The following NDUFA5 variants were observed in gnomAD, a reference collection of about 807,000 sequenced individuals.
The protein encoded by NDUFA5 is NADH dehydrogenase [ubiquinone] 1 alpha subcomplex subunit 5.
In NDUFA5, 11 loss-of-function variants were observed where a neutral mutation model predicts 19.8. The observed-to-expected ratio is 0.56, with a 90% CI of 0.35 to 0.92. The LOEUF (loss-of-function observed/expected upper bound fraction) is 0.92, where lower values mean the gene tolerates loss of function less well. Among genes scored for constraint, NDUFA5 ranks in the 40% least tolerant of loss-of-function variants. The probability of loss-of-function intolerance (pLI) is 0.01; values close to 1 mark genes in which losing one functional copy is unlikely to be tolerated. For missense variants in NDUFA5, 109 were observed against 134.2 expected, an observed-to-expected ratio of 0.81 and a Z score of 0.93; for synonymous variants, 47 against 46.8, an observed-to-expected ratio of 1.00 and a Z score of -0.01.
chr7:123,557,343 A>G lies in NDUFA5; in HGVS notation c.66+61T>C, dbSNP rs763487830. 1.1e-5 allele frequency: 17 copies of G among 1,608,346 alleles called. No homozygotes were observed. In the East Asian group the frequency reaches 3.6e-4, roughly 34 times the overall value. The stretch of plus-strand genomic sequence containing the variant: ...ATCCCGTTAACCCTGCAATAAGCAA[A>G]GTGACAGGAATTTAGTCTTCCTTGG... On this transcript the variant is annotated intron_variant, in intron 2 of 4. Transcript: ENST00000355749.
chr7:123,590,730 C>T, the NDUFA5 span, among the ~76,000 whole-genome samples: 1 of 152,106 alleles, frequency 6.6e-6, no homozygotes, highest in African/African-American at 2.4e-5. Context: ...TGTCAGGTAG[C>T]GTGATGCCTC....
chr7:123,546,970 T>C (rs905511297), intron 3 of NDUFA5, among the ~76,000 whole-genome samples: 3 of 152,186 alleles, frequency 2.0e-5, no homozygotes, highest in Non-Finnish European at 4.4e-5. Flanking sequence ...ACTGCAATTA[T>C]AAGTGTCCTT....
At chr7:123,556,940 G>GA (rs1562899883) in intron 2 of NDUFA5, 2 of 478,990 alleles carry the variant, frequency 4.2e-6, no homozygotes, top group Non-Finnish European at 8.2e-6. Context: ...TTATAGAAGG[G>GA]ACAAGAAGAA....
chr7:123,556,745 C>G (rs1442329954), intron 2 of NDUFA5: 1 of 432,946 alleles, frequency 2.3e-6, no homozygotes, highest in East Asian at 5.9e-5. Flanking sequence ...AAAAACGCTG[C>G]TATTAGGTCA....
the NDUFA5 span, among the ~76,000 whole-genome samples, chr7:123,599,136 A>C: frequency 6.6e-6 from 1 of 152,204 alleles, no homozygotes; most frequent in African/African-American, 2.4e-5. Context: ...AGAAAGAAGG[A>C]GAAAAAGGAG....
At chr7:123,546,652 T>C in intron 3 of NDUFA5, 1 of 1,280,172 alleles carries the variant, frequency 7.8e-7, no homozygotes, top group African/African-American at 1.5e-5. Flanking sequence ...AGGGAGAAAA[T>C]AATACATTTT....
the NDUFA5 span, among the ~76,000 whole-genome samples, chr7:123,590,563 T>C: frequency 2.6e-5 from 4 of 152,174 alleles, no homozygotes; most frequent in African/African-American, 9.7e-5. Context: ...CCCAGCACCA[T>C]TTATTAAATA....
chr7:123,596,823 G>A, the NDUFA5 span, among the ~76,000 whole-genome samples: 2 of 152,192 alleles, frequency 1.3e-5, no homozygotes, highest in South Asian at 4.1e-4. Context: ...CACATGAAAA[G>A]ATCAATTATT....
intron 1 of NDUFA5, 80 bp from the exon 2 acceptor site, chr7:123,557,528 G>T (rs779554312): frequency 5.6e-6 from 9 of 1,611,200 alleles, no homozygotes; most frequent in Non-Finnish European, 7.6e-6. Context: ...ACAAAACCAC[G>T]AATCCCCCGG....
chr7:123,542,252 G>T (rs1461970855), intron 4 of NDUFA5, 32 bp from the exon 5 acceptor site: 6 of 1,494,378 alleles, frequency 4.0e-6, no homozygotes, highest in African/African-American at 2.8e-5. Flanking sequence ...AAGATCATTG[G>T]ATTTTACTCT....
In NDUFA5 at chr7:123,540,813, T is replaced by C. The variant is rs1036375609; in HGVS notation, c.*1306A>G. On this transcript the variant is annotated 3_prime_UTR_variant, in exon 5 of 5. Coordinates refer to ENST00000355749, the MANE Select transcript of NDUFA5 (RefSeq NM_005000.5). ...TTATTTAGTATTCATGTTACAGCTC[T>C]ATGAGGGGAGAAATATACTGGAAAG... is the stretch of plus-strand genomic sequence containing the variant. 36 of 152,066 alleles carry C rather than the reference T, an allele frequency of 2.4e-4. No homozygotes were observed. Among genetic ancestry groups the C allele is most frequent in the African/African-American group, 8.2e-4 (34 of 41,468 alleles). The allele number at this position is 152,066 out of a possible 1,614,324, so 9.4% of individuals were successfully genotyped here.
At chr7:123,557,261 C>T (rs751820722) in intron 2 of NDUFA5, 143 bp downstream of exon 2, 1 of 1,154,628 alleles carries the variant, frequency 8.7e-7, no homozygotes, top group Non-Finnish European at 1.3e-6. Context: ...AGTAGGTGGA[C>T]AGCGCCCGTG....
At chr7:123,548,875 A>T (rs1259989206) in intron 3 of NDUFA5, among the ~76,000 whole-genome samples, 1 of 152,028 alleles carries the variant, frequency 6.6e-6, no homozygotes, top group Admixed American at 6.5e-5. Context: ...GTTGGCCCTC[A>T]GGATCTGCAT....
At chr7:123,552,086 T>C (rs1016961453) in intron 2 of NDUFA5, among the ~76,000 whole-genome samples, 16 of 151,748 alleles carry the variant, frequency 1.1e-4, no homozygotes, top group South Asian at 4.2e-4. Context: ...ACCAGAACAG[T>C]TGAAACAAAC....
chr7:123,576,820 A>G, the NDUFA5 span, among the ~76,000 whole-genome samples: 1 of 152,250 alleles, frequency 6.6e-6, no homozygotes, highest in Non-Finnish European at 1.5e-5. Context: ...ACCACTCTGT[A>G]CTTTTACTAG....
chr7:123,598,193 A>G, the NDUFA5 span, among the ~76,000 whole-genome samples: 2 of 152,286 alleles, frequency 1.3e-5, no homozygotes, highest in South Asian at 4.2e-4. Flanking sequence ...CCCTGGAAGT[A>G]TAATATACTT....
At position 123,539,231 on chromosome 7, in the gene NDUFA5, G is replaced by C. The variant is rs1164165811; in HGVS notation, c.*2888C>G. ...TGCCCCCCTATATCTTGTTTGCCCA[G>C]GACAGTCATGGTGTACATCTGTTAT... On this transcript the variant is annotated 3_prime_UTR_variant, in exon 5 of 5. Coordinates refer to ENST00000355749, the MANE Select transcript of NDUFA5 (RefSeq NM_005000.5). 1 of 152,142 alleles carries C rather than the reference G, an allele frequency of 6.6e-6. No homozygotes were observed. The highest frequency in any genetic ancestry group is 2.1e-4 in the South Asian group (1 of 4,832). The allele number at this position is 152,142 out of a possible 1,614,324, so 9.4% of individuals were successfully genotyped here.
the NDUFA5 span, among the ~76,000 whole-genome samples, chr7:123,567,339 T>A: frequency 5.9e-5 from 9 of 152,168 alleles, no homozygotes; most frequent in Non-Finnish European, 1.0e-4. Context: ...AGGAAGGAGA[T>A]GAATGTTGGG....
the NDUFA5 span, among the ~76,000 whole-genome samples, chr7:123,598,120 G>A: frequency 6.6e-6 from 1 of 152,028 alleles, no homozygotes; most frequent in Non-Finnish European, 1.5e-5. Context: ...ATACTAAAAT[G>A]TGTGTCTGTA....
Sources: allele counts gnomAD v4.1 joint callset (sites outside exome capture counted in the v4.1 genomes callset), GRCh38; gene constraint gnomAD v4.1.1; transcripts MANE v1.5; gene names NCBI Gene and HGNC (gene_info 2026-07-23, HGNC 2026-07-21).